PTH1R: variants seen among roughly 807,000 people sequenced by gnomAD.
The protein encoded by PTH1R is parathyroid hormone 1 receptor.
PTH1R carries 32 observed loss-of-function variants against 70.7 expected under a neutral mutation model. The ratio of observed to expected loss-of-function variants is 0.45; its 90% CI spans 0.34 to 0.61. The LOEUF is 0.61. Among genes scored for constraint, PTH1R ranks in the 20% least tolerant of loss-of-function variants. PTH1R has a pLI of 0.01. For missense variants in PTH1R, 626 were observed against 792.5 expected, an observed-to-expected ratio of 0.79 and a Z score of 2.52; for synonymous variants, 329 against 324.8, an observed-to-expected ratio of 1.01 and a Z score of -0.14.
rs2032095943 is a variant in PTH1R, at chr3:46,901,243, G to A, written c.1049+158G>A. On this transcript the variant is annotated intron_variant, in intron 11 of 15. Coordinates refer to ENST00000449590, the MANE Select transcript of PTH1R (RefSeq NM_000316.3). This position sits in a 1 kb window ranked among gnomAD's most constrained non-coding sequence, Gnocchi z 7.3. ...AGCCAGGAGCACCCTCAGGGTCACA[G>A]GAGGCTACTTCCAAAGAGGCCTGTG... is the stretch of plus-strand genomic sequence containing the variant. 6.6e-6 allele frequency among the ~76,000 whole-genome samples: 1 copy of A among 152,196 alleles called. No individual in the cohort carries two copies. Among genetic ancestry groups the A allele is most frequent in the African/African-American group, 2.4e-5 (1 of 41,442 alleles).
At chr3:46,885,360 G>A (rs1229785930) in intron 3 of PTH1R, among the ~76,000 whole-genome samples, 1 of 152,168 alleles carries the variant, frequency 6.6e-6, no homozygotes, top group Non-Finnish European at 1.5e-5. Context: ...AAATGCTTCT[G>A]TAGGGCTTTC....
In PTH1R at chr3:46,882,817, A is replaced by C. The variant is rs1157099521; in HGVS notation, c.-48-695A>C. The stretch of plus-strand genomic sequence containing the variant: ...CTGCGCGCCCGAGCCGCACAGGCGC[A>C]AGCGGGGCTCTGGCCAAGGATGGGG... On this transcript the variant is annotated intron_variant, in intron 2 of 15. Transcript: ENST00000449590. The surrounding 1 kb of genome is among the most constrained non-coding windows in gnomAD (Gnocchi z 4.3). Among the ~76,000 whole-genome samples the C allele has an allele frequency of 6.6e-6, 1 of 151,682 alleles. No individual in the cohort carries two copies. The highest frequency in any genetic ancestry group is 1.5e-5 in the Non-Finnish European group (1 of 67,896).
rs923107119 is a variant in PTH1R, at chr3:46,882,334, C to G, written c.-48-1178C>G. On this transcript the variant is annotated intron_variant, in intron 2 of 15. Coordinates refer to ENST00000449590, the MANE Select transcript of PTH1R (RefSeq NM_000316.3). This position sits in a 1 kb window ranked among gnomAD's most constrained non-coding sequence, Gnocchi z 4.3. ...GGGCGGGGGGCGCTGGAGGCCAGGC[C>G]GGCCAGCGGGGGGTATCCCGAGAGC... 2 of 150,934 alleles carry G rather than the reference C, an allele frequency of 1.3e-5. No individual in the cohort carries two copies. Among genetic ancestry groups the G allele is most frequent in the South Asian group, 2.1e-4 (1 of 4,850 alleles). The allele number at this position is 150,934 out of a possible 1,614,324, so 9.3% of individuals were successfully genotyped here.
chr3:46,886,303 T>A (rs1472637737), intron 3 of PTH1R, among the ~76,000 whole-genome samples: 4 of 152,170 alleles, frequency 2.6e-5, no homozygotes, highest in Admixed American at 6.5e-5. Flanking sequence ...ACTCACAGGC[T>A]GGGAGTGTGT....
At chr3:46,899,556 C>G in intron 10 of PTH1R, 100 bp downstream of exon 10, 2 of 1,458,742 alleles carry the variant, frequency 1.4e-6, no homozygotes, top group South Asian at 2.6e-5. Flanking sequence ...CAGCACATCC[C>G]GCCCCAAGTG....
chr3:46,899,431 G>T lies in PTH1R; in HGVS notation c.963G>T (p.Leu321=). The T allele has an allele frequency of 6.2e-7, 1 of 1,613,116 alleles. No homozygotes were observed. The highest frequency in any genetic ancestry group is 8.5e-7 in the Non-Finnish European group (1 of 1,179,928). ...CCTTCTTCTCAGAGAAGAAGTACCT[G>T]TGGGGCTTCACAGTCTTCGGCTGGG... ...FMAFFSEKKY[L]WGFTVFGWGL... The change falls in exon 10 of 16, where the codon CTG becomes CTT. Residue 321 remains leucine (L), a synonymous_variant. Transcript: ENST00000449590.
rs2084084425 is a variant in PTH1R at position 46,884,495 on chromosome 3, C to T, written c.75+861C>T. Among the ~76,000 whole-genome samples, 1 of 152,158 alleles carries T rather than the reference C, an allele frequency of 6.6e-6. No individual in the cohort carries two copies. The highest frequency in any genetic ancestry group is 2.4e-5 in the African/African-American group (1 of 41,432). ...GCACCTCCTCCTCCTGGGCCAGGGTCTGGGGCCCACTTGCTGGGAAGGGGG... is the reference window on the plus strand; with the variant it reads ...GCACCTCCTCCTCCTGGGCCAGGGTTTGGGGCCCACTTGCTGGGAAGGGGG... On this transcript the variant is annotated intron_variant, in intron 3 of 15. Coordinates refer to ENST00000449590, the MANE Select transcript of PTH1R (RefSeq NM_000316.3). The surrounding 1 kb of genome is among the most constrained non-coding windows in gnomAD (Gnocchi z 4.8).
At chr3:46,889,487 G>A in intron 3 of PTH1R, among the ~76,000 whole-genome samples, 1 of 152,204 alleles carries the variant, frequency 6.6e-6, no homozygotes, top group East Asian at 1.9e-4. Flanking sequence ...CTGCTTCAGT[G>A]TCAAGCAGAT....
Position 46,883,454 on chromosome 3 carries a change from CCGGGGCGTGGG to C in PTH1R, c.-48-50_-48-40del. On this transcript the variant is annotated intron_variant, in intron 2 of 15. Transcript: ENST00000449590. The surrounding 1 kb of genome is among the most constrained non-coding windows in gnomAD (Gnocchi z 6.4). ...CGCCGGGACGCCGGGGTCCCATAGG[CCGGGGCGTGGG>C]CGGGGCGGCCAGCCTGACGCAGCTC... 1 of 999,324 alleles carries C rather than the reference CCGGGGCGTGGG, an allele frequency of 1.0e-6. No individual in the cohort carries two copies. The highest frequency in any genetic ancestry group is 1.3e-6 in the Non-Finnish European group (1 of 777,916). The allele number at this position is 999,324 out of a possible 1,614,324, so 61.9% of individuals were successfully genotyped here.
In PTH1R at chr3:46,895,092, CA is replaced by C. The variant is rs149071173; in HGVS notation, c.179-631del. Among the ~76,000 whole-genome samples the C allele has an allele frequency of 1.5e-3, 178 of 117,532 alleles. 2 individuals are homozygous for C. The highest frequency in any genetic ancestry group is 0.011 in the Middle Eastern group (2 of 184). The allele number at this position is 117,532 out of a possible 152,430, so 77.1% of individuals were successfully genotyped here. The stretch of plus-strand genomic sequence containing the variant: ...AAAAAAAACAAAAAAAACAAACAAA[CA>C]AAAAAAAAAAACGTCCAGCATCTCT... On this transcript the variant is annotated intron_variant, in intron 4 of 15. Transcript: ENST00000449590.
chr3:46,899,239 C>G (rs1189845406), intron 9 of PTH1R, 64 bp from the exon 10 acceptor site: 2 of 1,608,204 alleles, frequency 1.2e-6, no homozygotes, highest in Admixed American at 1.7e-5. Context: ...CCCAGCCCCC[C>G]AGCCCAGCCC....
intron 9 of PTH1R, 125 bp from the exon 10 acceptor site, chr3:46,899,178 C>A (rs1233498803): frequency 1.5e-5 from 20 of 1,323,102 alleles, no homozygotes; most frequent in Non-Finnish European, 2.0e-5. Context: ...CCAAACGAAG[C>A]CTGCCCCTTC....
Position 46,893,195 on chromosome 3 carries a change from T to A in PTH1R, c.76-712T>A, listed in dbSNP as rs2031535118. On this transcript the variant is annotated intron_variant, in intron 3 of 15. Transcript: ENST00000449590. This position sits in a 1 kb window ranked among gnomAD's most constrained non-coding sequence, Gnocchi z 5.2. The stretch of plus-strand genomic sequence containing the variant: ...GCAGAGAACAGCAGGAGTGAGGGCC[T>A]GAGTGTCATCAGAACTCCGAGTCTG... 6.6e-6 allele frequency among the ~76,000 whole-genome samples: 1 copy of A among 152,006 alleles called. No homozygotes were observed. The highest frequency in any genetic ancestry group is 2.1e-4 in the South Asian group (1 of 4,812).
rs2030397020 is a variant in PTH1R at position 46,879,045 on chromosome 3, A to T, written c.-106+1202A>T. Among the ~76,000 whole-genome samples, 1 of 152,238 alleles carries T rather than the reference A, an allele frequency of 6.6e-6. No homozygotes were observed. Among genetic ancestry groups the T allele is most frequent in the African/African-American group, 2.4e-5 (1 of 41,472 alleles). ...CCAGGTGCTTGGGTGCTACCAGTTA[A>T]TGTGTGACACCCCCACCCTCATGGT... On this transcript the variant is annotated intron_variant, in intron 1 of 15. Coordinates refer to ENST00000449590, the MANE Select transcript of PTH1R (RefSeq NM_000316.3). This position sits in a 1 kb window ranked among gnomAD's most constrained non-coding sequence, Gnocchi z 4.7.
Position 46,882,874 on chromosome 3 carries a change from G to A in PTH1R, c.-48-638G>A, listed in dbSNP as rs2030707810. On this transcript the variant is annotated intron_variant, in intron 2 of 15. Coordinates refer to ENST00000449590, the MANE Select transcript of PTH1R (RefSeq NM_000316.3). This position sits in a 1 kb window ranked among gnomAD's most constrained non-coding sequence, Gnocchi z 4.3. ...TGCGGGAGGCGGCTGCCGAGGGTCT[G>A]GGATCTCAGGAGGCCGAACGGCCGG... is the stretch of plus-strand genomic sequence containing the variant. 6.6e-6 allele frequency among the ~76,000 whole-genome samples: 1 copy of A among 151,918 alleles called. No homozygotes were observed. Among genetic ancestry groups the A allele is most frequent in the South Asian group, 2.1e-4 (1 of 4,824 alleles).
chr3:46,883,667 G>T lies in PTH1R; in HGVS notation c.75+33G>T. ...CCCCGCCGCCAACACTCCGGGACAG[G>T]CTGCGGGCTTACCCTAGGGTCCGCG... On this transcript the variant is annotated intron_variant, in intron 3 of 15. Transcript: ENST00000449590. The surrounding 1 kb of genome is among the most constrained non-coding windows in gnomAD (Gnocchi z 6.4). 6 of 1,545,262 alleles carry T rather than the reference G, an allele frequency of 3.9e-6. No individual in the cohort carries two copies. The highest frequency in any genetic ancestry group is 4.4e-6 in the Non-Finnish European group (5 of 1,146,598).
chr3:46,878,135 T>C (rs2030341127), intron 1 of PTH1R, among the ~76,000 whole-genome samples: 1 of 152,148 alleles, frequency 6.6e-6, no homozygotes, highest in Non-Finnish European at 1.5e-5. Context: ...TCCCTTCACC[T>C]TCCTGAGAGG....
chr3:46,884,207 G>A lies in PTH1R; in HGVS notation c.75+573G>A, dbSNP rs2030866229. Among the ~76,000 whole-genome samples the A allele has an allele frequency of 6.6e-6, 1 of 152,142 alleles. No individual in the cohort carries two copies. The highest frequency in any genetic ancestry group is 6.5e-5 in the Admixed American group (1 of 15,284). The stretch of plus-strand genomic sequence containing the variant: ...GCATGGAGAAGGGATGGAGTTCCCT[G>A]AAGGAGACTGACCTCACAGTGCACC... On this transcript the variant is annotated intron_variant, in intron 3 of 15. Transcript: ENST00000449590. The surrounding 1 kb of genome is among the most constrained non-coding windows in gnomAD (Gnocchi z 4.8).
Position 46,892,378 on chromosome 3 carries a change from C to G in PTH1R, c.76-1529C>G, listed in dbSNP as rs574973217. Among the ~76,000 whole-genome samples the G allele has an allele frequency of 1.3e-5, 2 of 152,364 alleles. No homozygotes were observed. The highest frequency in any genetic ancestry group is 1.9e-4 in the East Asian group (1 of 5,176). On this transcript the variant is annotated intron_variant, in intron 3 of 15. Coordinates refer to ENST00000449590, the MANE Select transcript of PTH1R (RefSeq NM_000316.3). This position sits in a 1 kb window ranked among gnomAD's most constrained non-coding sequence, Gnocchi z 5.2. Reference sequence around the variant, plus strand: ...CTCACAAACACGTCCGGCTCGCGTCCCATACTGACAGGCTGGACAGTCTCC... The same window carrying G: ...CTCACAAACACGTCCGGCTCGCGTCGCATACTGACAGGCTGGACAGTCTCC...
Sources: allele counts gnomAD v4.1 joint callset (sites outside exome capture counted in the v4.1 genomes callset), GRCh38; gene constraint gnomAD v4.1.1; non-coding constraint Gnocchi (gnomAD v3.1); transcripts MANE v1.5; gene names NCBI Gene and HGNC (gene_info 2026-07-23, HGNC 2026-07-21).